The following SP140 variants were observed in gnomAD, a reference collection of about 807,000 sequenced individuals.
SP140 encodes nuclear body protein SP140.
A neutral mutation model predicts 125.0 loss-of-function variants in SP140; 81 were observed. That is an observed-to-expected ratio of 0.65 (90% CI 0.54 to 0.78). The LOEUF (loss-of-function observed/expected upper bound fraction) is 0.78, where lower values mean the gene tolerates loss of function less well. Among genes scored for constraint, SP140 ranks in the 30% least tolerant of loss-of-function variants. The pLI is 0.00. For synonymous variants in SP140, 312 were observed against 354.0 expected, an observed-to-expected ratio of 0.88 and a Z score of 1.33; for missense variants, 858 against 1,037.0, an observed-to-expected ratio of 0.83 and a Z score of 2.37.
At chr2:230,220,137 A>G (rs1223217382) in intron 3 of SP140, 2 of 961,496 alleles carry the variant, frequency 2.1e-6, no homozygotes, top group Non-Finnish European at 2.5e-6. Context: ...ACGTCTTGGC[A>G]GTTGGGGTTT....
chr2:230,238,759 A>G (rs780164410), intron 3 of SP140: 3 of 1,548,454 alleles, frequency 1.9e-6, no homozygotes, highest in Non-Finnish European at 2.6e-6. Context: ...TCTTTGTATT[A>G]GAAAATTTAT....
At chr2:230,300,581 G>A (rs1442351851) in intron 22 of SP140, among the ~76,000 whole-genome samples, 1 of 152,172 alleles carries the variant, frequency 6.6e-6, no homozygotes, top group African/African-American at 2.4e-5. Flanking sequence ...CTCTCGGGAA[G>A]CCCATCCCTA....
intron 1 of SP140, among the ~76,000 whole-genome samples, chr2:230,231,755 A>G (rs766158211): frequency 6.6e-6 from 1 of 151,728 alleles, no homozygotes; most frequent in Non-Finnish European, 1.5e-5. Flanking sequence ...TGCCCAGGCT[A>G]TAGTGCAGTG....
At chr2:230,310,282 A>G (rs2059217539) in intron 23 of SP140, 3 of 534,518 alleles carry the variant, frequency 5.6e-6, no homozygotes, top group Middle Eastern at 5.0e-4. Context: ...ACCTTTGCCT[A>G]CATACCGGCA....
the SP140 span, among the ~76,000 whole-genome samples, chr2:230,191,935 C>T: frequency 2.0e-5 from 3 of 152,188 alleles, no homozygotes; most frequent in Non-Finnish European, 4.4e-5. Context: ...AACTTATTCA[C>T]CATGATCAAG....
intron 10 of SP140, among the ~76,000 whole-genome samples, chr2:230,252,421 G>A (rs72988279): frequency 0.076 from 11,587 of 151,962 alleles, 639 homozygotes; most frequent in South Asian, 0.19. Flanking sequence ...ACAGGACCAG[G>A]GATGCAAGAG....
intron 11 of SP140, among the ~76,000 whole-genome samples, 157 bp from the exon 12 acceptor site, chr2:230,255,295 G>A (rs75457111): frequency 0.011 from 1,720 of 152,280 alleles, 33 homozygotes; most frequent in African/African-American, 0.04. Context: ...CCACCTACAG[G>A]CCAGGTGAAC....
chr2:230,195,455 C>G, the SP140 span, among the ~76,000 whole-genome samples: 1 of 152,126 alleles, frequency 6.6e-6, no homozygotes, highest in African/African-American at 2.4e-5. Flanking sequence ...GCACCTCAGC[C>G]TCCTGAGTAG....
intron 8 of SP140, among the ~76,000 whole-genome samples, chr2:230,248,364 C>T (rs1321882673): frequency 1.3e-5 from 2 of 152,112 alleles, no homozygotes; most frequent in African/African-American, 4.8e-5. Context: ...TGTGCAAGGC[C>T]AGCTGGGGGT....
intron 1 of SP140, among the ~76,000 whole-genome samples, chr2:230,236,168 C>T (rs1256850731): frequency 6.6e-6 from 1 of 152,180 alleles, no homozygotes; most frequent in Non-Finnish European, 1.5e-5. Flanking sequence ...AGCCACCGCG[C>T]CCGGCCTTCT....
the SP140 span, chr2:230,186,152 A>C: frequency 6.2e-7 from 1 of 1,613,852 alleles, no homozygotes; most frequent in Non-Finnish European, 8.5e-7. Context: ...CCCTGGACCA[A>C]ATAGACTTGT....
chr2:230,296,822 TAG>T (rs2057780495), intron 21 of SP140, among the ~76,000 whole-genome samples: 1 of 152,164 alleles, frequency 6.6e-6, no homozygotes, highest in South Asian at 2.1e-4. Flanking sequence ...AGAGGACAAG[TAG>T]AGCTTCTCTG....
rs1574931563 is a variant in SP140, at chr2:230,237,538, G to A, written c.237+278G>A. 3.7e-6 allele frequency: 1 copy of A among 273,536 alleles called. No homozygotes were observed. Among genetic ancestry groups the A allele is most frequent in the Non-Finnish European group, 6.8e-6 (1 of 147,238 alleles). The allele number at this position is 273,536 out of a possible 1,614,324, so 16.9% of individuals were successfully genotyped here. A position where few individuals can be genotyped will look rare whatever the true frequency, so the allele number is the denominator to read the frequency against. ...GGTACTTGTAAACAATCTACTAATGGTAGCCATAATTAAAATAAATAAGTG... is the reference window on the plus strand; with the variant it reads ...GGTACTTGTAAACAATCTACTAATGATAGCCATAATTAAAATAAATAAGTG... On this transcript the variant is annotated intron_variant, in intron 2 of 26. Transcript: ENST00000392045. The surrounding 1 kb of genome is among the most constrained non-coding windows in gnomAD (Gnocchi z 5.4).
At chr2:230,221,591 G>A (rs893470415), upstream of SP140, 16 of 1,035,756 alleles carry the variant, frequency 1.5e-5, no homozygotes, top group Middle Eastern at 4.9e-4. Flanking sequence ...GCTAACAGCT[G>A]AGGAGAGGGT....
intron 22 of SP140, among the ~76,000 whole-genome samples, chr2:230,299,781 C>T (rs1415962040): frequency 3.3e-5 from 5 of 152,262 alleles, no homozygotes; most frequent in East Asian, 1.9e-4. Context: ...GGCACCACAG[C>T]GGGAGTGAGA....
chr2:230,206,113 G>A (rs921856310), intron 1 of SP140, among the ~76,000 whole-genome samples: 2 of 152,144 alleles, frequency 1.3e-5, no homozygotes, highest in African/African-American at 4.8e-5. Context: ...TGGACACTGG[G>A]ATCATACTAA....
intron 4 of SP140, among the ~76,000 whole-genome samples, chr2:230,242,426 G>C (rs1454957873): frequency 1.3e-5 from 2 of 152,114 alleles, no homozygotes; most frequent in Non-Finnish European, 2.9e-5. Flanking sequence ...AGTGGCACTT[G>C]CATGATACTC....
At chr2:230,207,372 T>TC (rs2043982829) in intron 1 of SP140, among the ~76,000 whole-genome samples, 1 of 152,152 alleles carries the variant, frequency 6.6e-6, no homozygotes, top group Non-Finnish European at 1.5e-5. Flanking sequence ...AGAATTATTT[T>TC]CCCTGACCAG....
the SP140 span, among the ~76,000 whole-genome samples, chr2:230,189,378 A>G: frequency 6.6e-6 from 1 of 152,078 alleles, no homozygotes; most frequent in East Asian, 1.9e-4. Flanking sequence ...TTGATAATTT[A>G]TGTCACTGTT....
Sources: allele counts gnomAD v4.1 joint callset (sites outside exome capture counted in the v4.1 genomes callset), GRCh38; gene constraint gnomAD v4.1.1; non-coding constraint Gnocchi (gnomAD v3.1); transcripts MANE v1.5; gene names NCBI Gene and HGNC (gene_info 2026-07-23, HGNC 2026-07-21).